Variants in RBM27 observed in about 807,000 individuals in gnomAD.
RBM27 encodes RNA-binding protein 27.
RBM27 carries 22 observed loss-of-function variants against 135.3 expected under a neutral mutation model. That is an observed-to-expected ratio of 0.16 (90% CI 0.12 to 0.23). The LOEUF (loss-of-function observed/expected upper bound fraction) is 0.23. Ranked by LOEUF, RBM27 falls within the 10% of genes least tolerant of loss-of-function variation. The pLI is 1.00. For missense variants in RBM27, 1,009 were observed against 1,281.0 expected, an observed-to-expected ratio of 0.79 and a Z score of 3.24; for synonymous variants, 481 against 442.4, an observed-to-expected ratio of 1.09 and a Z score of -1.10.
At chr5:146,252,511 T>A (rs970469786) in intron 9 of RBM27, among the ~76,000 whole-genome samples, 1 of 152,232 alleles carries the variant, frequency 6.6e-6, no homozygotes, top group African/African-American at 2.4e-5. Context: ...GTCATTTGAT[T>A]ATGTAACTTC....
At chr5:146,248,332 T>C (rs188642318) in intron 8 of RBM27, among the ~76,000 whole-genome samples, 12 of 152,022 alleles carry the variant, frequency 7.9e-5, no homozygotes, top group Non-Finnish European at 1.5e-4. Flanking sequence ...GCTCATCTTA[T>C]AAATTTTCTG....
intron 14 of RBM27, among the ~76,000 whole-genome samples, chr5:146,264,973 T>C (rs1424998528): frequency 6.6e-6 from 1 of 152,148 alleles, no homozygotes; most frequent in Non-Finnish European, 1.5e-5. Flanking sequence ...TCCAAATGGA[T>C]CTGAGATTTA....
Position 146,288,830 on chromosome 5 carries a change from T to C in RBM27, c.*2800T>C, listed in dbSNP as rs184970345. The C allele has an allele frequency of 2.8e-4, 42 of 152,168 alleles. No individual in the cohort carries two copies. In the East Asian group the frequency reaches 6.6e-3, roughly 24 times the overall value. 9.4% of individuals were successfully genotyped at this position (152,168 alleles called of 1,614,324 possible). A position where few individuals can be genotyped will look rare whatever the true frequency, so the allele number is the denominator to read the frequency against. On this transcript the variant is annotated 3_prime_UTR_variant, in exon 21 of 21. Transcript: ENST00000265271. Reference sequence around the variant, plus strand: ...GAAATGTTGTTACCAGCTAAGATGATAAATTGGAAAACAGTCTTGTTAAGG... The same window carrying C: ...GAAATGTTGTTACCAGCTAAGATGACAAATTGGAAAACAGTCTTGTTAAGG...
At chr5:146,275,257 T>C (rs1318095466) in intron 19 of RBM27, among the ~76,000 whole-genome samples, 7 of 151,760 alleles carry the variant, frequency 4.6e-5, no homozygotes, top group Non-Finnish European at 1.0e-4. Flanking sequence ...AACTTTTTAA[T>C]TTTAATTTTT....
chr5:146,274,974 GTTC>G (rs1561567263), intron 19 of RBM27, among the ~76,000 whole-genome samples: 2 of 150,990 alleles, frequency 1.3e-5, no homozygotes, highest in Admixed American at 6.6e-5. Flanking sequence ...TTCCTTTCTA[GTTC>G]TTTTTCTTTT....
At chr5:146,245,840 G>A (rs1400879056) in intron 8 of RBM27, among the ~76,000 whole-genome samples, 1 of 152,046 alleles carries the variant, frequency 6.6e-6, no homozygotes, top group Non-Finnish European at 1.5e-5. Flanking sequence ...TCATCCTAAA[G>A]TCACCACCTC....
Position 146,260,848 on chromosome 5 carries a change from A to T in RBM27, c.1843A>T (p.Thr615Ser). 6.2e-7 allele frequency: 1 copy of T among 1,613,912 alleles called. No individual in the cohort carries two copies. The highest frequency in any genetic ancestry group is 2.2e-5 in the East Asian group (1 of 44,842). ...KKIPQELNNI[T>S]KLNEHFSKFG... ...AATCCCTCAGGAATTGAACAACATTACCAAGCTCAATGAACACTTCAGCAA... is the reference window on the plus strand; with the variant it reads ...AATCCCTCAGGAATTGAACAACATTTCCAAGCTCAATGAACACTTCAGCAA... Residue 615 changes from threonine (T) to serine (S), a missense_variant, in exon 12 of 21, where the codon ACC becomes TCC. This residue lies in a region of RBM27 where 34 missense variants were observed against 82.8 expected (regional missense o/e 0.41). Transcript: ENST00000265271.
intron 8 of RBM27, among the ~76,000 whole-genome samples, chr5:146,244,581 G>A (rs1474125635): frequency 6.7e-6 from 1 of 149,664 alleles, no homozygotes; most frequent in African/African-American, 2.5e-5. Context: ...TTGTTGTGCT[G>A]CCCAGACTGG....
intron 9 of RBM27, among the ~76,000 whole-genome samples, chr5:146,254,525 A>T (rs554484152): frequency 2.0e-5 from 3 of 152,070 alleles, no homozygotes; most frequent in African/African-American, 7.2e-5. Flanking sequence ...ACATCTGCAG[A>T]TTCAACCAAC....
At chr5:146,205,131 C>T (rs1755572273) in intron 1 of RBM27, among the ~76,000 whole-genome samples, 1 of 152,244 alleles carries the variant, frequency 6.6e-6, no homozygotes, top group Non-Finnish European at 1.5e-5. Flanking sequence ...CTCCTGACTT[C>T]AGGTGATCCG....
chr5:146,271,523 C>G lies in RBM27; in HGVS notation c.2837C>G (p.Thr946Ser). ...ATTTTACCTGTGGGTCGAGGAAAGA[C>G]CATGTCCTCTCAAGGTCGAGGAAGA... ...LGILPVGRGK[T>S]MSSQGRGRGR... The change falls in exon 19 of 21, where the codon ACC becomes AGC. Residue 946 changes from threonine (T) to serine (S), a missense_variant. Physicochemically the swap from Thr to Ser is moderately conservative, Grantham distance 58. This residue lies in a region of RBM27 where 355 missense variants were observed against 427.3 expected (regional missense o/e 0.83). Transcript: ENST00000265271. The G allele has an allele frequency of 6.2e-7, 1 of 1,613,540 alleles. No homozygotes were observed. The highest frequency in any genetic ancestry group is 8.5e-7 in the Non-Finnish European group (1 of 1,179,712).
intron 19 of RBM27, among the ~76,000 whole-genome samples, chr5:146,281,973 A>G (rs1327283648): frequency 6.9e-6 from 1 of 145,906 alleles, no homozygotes; most frequent in Non-Finnish European, 1.5e-5. Context: ...TAATAGTTGT[A>G]TCAATATACC....
chr5:146,226,708 A>T (rs1014097127), intron 3 of RBM27, among the ~76,000 whole-genome samples: 16 of 151,576 alleles, frequency 1.1e-4, no homozygotes, highest in Non-Finnish European at 1.9e-4. Context: ...GAACAGTTTT[A>T]AAAAAAAACA....
intron 17 of RBM27, 98 bp from the exon 18 acceptor site, chr5:146,270,856 T>A: frequency 1.4e-6 from 1 of 730,666 alleles, no homozygotes; most frequent in Non-Finnish European, 2.2e-6. Flanking sequence ...CATTCTCATG[T>A]TCCAAAATAC....
intron 8 of RBM27, among the ~76,000 whole-genome samples, chr5:146,242,501 C>G (rs139783995): frequency 0.012 from 1,771 of 152,278 alleles, 25 homozygotes; most frequent in African/African-American, 0.036. Flanking sequence ...AAATCTGATT[C>G]TAAAATTTAT....
At chr5:146,206,969 T>G (rs1454298611) in intron 1 of RBM27, among the ~76,000 whole-genome samples, 1 of 152,176 alleles carries the variant, frequency 6.6e-6, no homozygotes, top group Non-Finnish European at 1.5e-5. Flanking sequence ...CCACATATAT[T>G]TTTATTCTTA....
intron 11 of RBM27, among the ~76,000 whole-genome samples, chr5:146,260,040 C>CAAAG (rs1758319598): frequency 6.7e-6 from 1 of 149,050 alleles, no homozygotes; most frequent in Non-Finnish European, 1.5e-5. Context: ...TGGCTCACAC[C>CAAAG]TGTAATGCCA....
chr5:146,230,370 TA>T (rs1169218274), intron 5 of RBM27, among the ~76,000 whole-genome samples: 1 of 152,196 alleles, frequency 6.6e-6, no homozygotes, highest in Non-Finnish European at 1.5e-5. Flanking sequence ...AGTTCTTAGA[TA>T]ACCTTCTTAT....
intron 8 of RBM27, among the ~76,000 whole-genome samples, chr5:146,243,151 A>G (rs1757478696): frequency 6.6e-6 from 1 of 152,062 alleles, no homozygotes; most frequent in African/African-American, 2.4e-5. Flanking sequence ...CTGTAATCCC[A>G]GCTACTCAGG....
Sources: allele counts gnomAD v4.1 joint callset (sites outside exome capture counted in the v4.1 genomes callset), GRCh38; gene constraint gnomAD v4.1.1; regional missense constraint gnomAD v4.1.1; transcripts MANE v1.5; gene names NCBI Gene and HGNC (gene_info 2026-07-23, HGNC 2026-07-21).